The following KIF16B variants were observed in gnomAD, a reference collection of about 807,000 sequenced individuals.
The protein encoded by KIF16B is kinesin family member 16B, also known as kinesin-like protein KIF16B.
KIF16B carries 98 observed loss-of-function variants against 156.3 expected under a neutral mutation model. The ratio of observed to expected loss-of-function variants is 0.63; its 90% CI spans 0.53 to 0.74. KIF16B has a LOEUF of 0.74. Among genes scored for constraint, KIF16B ranks in the 30% least tolerant of loss-of-function variants. The pLI, the probability that KIF16B is intolerant of heterozygous loss-of-function variation, is 0.00. For missense variants in KIF16B, 1,421 were observed against 1,606.5 expected (o/e 0.88, Z 1.97); for synonymous variants, 564 against 583.7 (o/e 0.97, Z 0.49).
intron 5 of KIF16B, 139 bp downstream of exon 5, chr20:16,512,687 C>A: frequency 1.7e-6 from 1 of 576,378 alleles, no homozygotes; most frequent in South Asian, 2.5e-5. Context: ...ATCCCCAAAC[C>A]ATAATCACAG....
At chr20:16,395,238 G>A (rs2065467401) in intron 17 of KIF16B, among the ~76,000 whole-genome samples, 1 of 49,206 alleles carries the variant, frequency 2.0e-5, no homozygotes, top group Non-Finnish European at 4.4e-5. Context: ...GGAGGAGAGG[G>A]GAGGAGAGGG....
chr20:16,505,737 T>C lies in KIF16B; in HGVS notation c.985A>G (p.Thr329Ala). The C allele has an allele frequency of 6.2e-7, 1 of 1,613,426 alleles. No homozygotes were observed. The highest frequency in any genetic ancestry group is 8.5e-7 in the Non-Finnish European group (1 of 1,179,532). The stretch of plus-strand genomic sequence containing the variant: ...AAACTCTTACTGGCAATCATGATAG[T>C]TTTAGAGTTTCCTCCAAGGCTATCT... ...LKDSLGGNSK[T>A]IMIATISPAD... Residue 329 changes from threonine to alanine, a missense_variant, in exon 9 of 26, where the codon ACT becomes GCT. Physicochemically the swap from Thr to Ala is moderately conservative, Grantham distance 58 (BLOSUM62 0). Transcript: ENST00000354981.
At chr20:16,523,231 G>C (rs2069414826) in intron 3 of KIF16B, among the ~76,000 whole-genome samples, 1 of 152,194 alleles carries the variant, frequency 6.6e-6, no homozygotes, top group Non-Finnish European at 1.5e-5. Flanking sequence ...AATAAGAAGA[G>C]AGAAAGTCAA....
At chr20:16,377,472 C>G (rs999762338) in intron 19 of KIF16B, among the ~76,000 whole-genome samples, 1 of 151,676 alleles carries the variant, frequency 6.6e-6, no homozygotes, top group Admixed American at 6.6e-5. Flanking sequence ...GGGTCCCAGC[C>G]ACTTGGGTGG....
At chr20:16,400,041 T>C (rs2065610475) in intron 17 of KIF16B, among the ~76,000 whole-genome samples, 1 of 152,224 alleles carries the variant, frequency 6.6e-6, no homozygotes. Flanking sequence ...ATGACCATGC[T>C]GCTCCTTGGC....
intron 15 of KIF16B, among the ~76,000 whole-genome samples, chr20:16,415,345 A>T (rs2066060457): frequency 6.6e-6 from 1 of 152,074 alleles, no homozygotes; most frequent in Non-Finnish European, 1.5e-5. Flanking sequence ...GCTCATACGC[A>T]CTCCACAGTG....
intron 1 of KIF16B, among the ~76,000 whole-genome samples, chr20:16,530,744 C>T (rs1234976506): frequency 6.6e-6 from 1 of 152,080 alleles, no homozygotes; most frequent in African/African-American, 2.4e-5. Flanking sequence ...TCCTGCCACC[C>T]AGGCTGGAGT....
At chr20:16,506,305 T>C in intron 7 of KIF16B, 115 bp from the exon 8 acceptor site, 1 of 862,156 alleles carries the variant, frequency 1.2e-6, no homozygotes, top group East Asian at 2.5e-5. Flanking sequence ...GTAGATATTT[T>C]TCAATTTTAT....
intron 17 of KIF16B, among the ~76,000 whole-genome samples, chr20:16,404,183 TG>T (rs752429164): frequency 6.6e-6 from 1 of 152,158 alleles, no homozygotes; most frequent in Non-Finnish European, 1.5e-5. Context: ...GAGATTATCC[TG>T]GTAGGAAAGA....
chr20:16,564,492 T>C (rs2071179901), intron 1 of KIF16B, among the ~76,000 whole-genome samples: 1 of 151,590 alleles, frequency 6.6e-6, no homozygotes, highest in Admixed American at 6.6e-5. Flanking sequence ...AAGGGGAACA[T>C]CACACACCGG....
chr20:16,363,438 A>G (rs1568886503), intron 22 of KIF16B, among the ~76,000 whole-genome samples: 3 of 152,218 alleles, frequency 2.0e-5, no homozygotes, highest in Non-Finnish European at 4.4e-5. Context: ...TATCTGTAAT[A>G]GAGCTTTGGG....
chr20:16,504,367 C>T lies in KIF16B; in HGVS notation c.1176+5G>A, dbSNP rs368438807. On this transcript the variant is annotated splice_donor_5th_base_variant and intron_variant, in intron 10 of 25. Coordinates refer to ENST00000354981, the MANE Select transcript of KIF16B (RefSeq NM_024704.5). Reference sequence around the variant, plus strand: ...AATTATCCATAAATCTCAGAAAAACCCAACCTGATTCCCTTGAGCAAGCAG... The same window carrying T: ...AATTATCCATAAATCTCAGAAAAACTCAACCTGATTCCCTTGAGCAAGCAG... 11 of 1,612,798 alleles carry T rather than the reference C, an allele frequency of 6.8e-6. No individual in the cohort carries two copies. The highest frequency in any genetic ancestry group is 2.2e-5 in the East Asian group (1 of 44,860).
At chr20:16,381,431 G>A (rs974487210) in intron 18 of KIF16B, among the ~76,000 whole-genome samples, 5 of 151,006 alleles carry the variant, frequency 3.3e-5, no homozygotes, top group Non-Finnish European at 1.5e-5. Flanking sequence ...TTTAATTGGT[G>A]TGTTAAATTT....
At chr20:16,297,945 C>T (rs1467879693) in intron 25 of KIF16B, among the ~76,000 whole-genome samples, 5 of 152,178 alleles carry the variant, frequency 3.3e-5, no homozygotes, top group African/African-American at 9.6e-5. Context: ...CCCCTGCTCC[C>T]ACCATTCTCT....
intron 24 of KIF16B, among the ~76,000 whole-genome samples, chr20:16,330,051 G>A (rs550029304): frequency 1.2e-3 from 189 of 152,166 alleles, no homozygotes; most frequent in South Asian, 5.6e-3. Context: ...ATTTTCCTTT[G>A]GTTTTTGCTT....
intron 18 of KIF16B, 35 bp downstream of exon 18, chr20:16,381,659 C>T (rs1460606674): frequency 1.3e-6 from 2 of 1,546,412 alleles, no homozygotes; most frequent in African/African-American, 1.4e-5. Flanking sequence ...ATCCAGACTA[C>T]AGGAGTGTTG....
At chr20:16,502,178 GTTGA>G (rs1349906130) in intron 10 of KIF16B, among the ~76,000 whole-genome samples, 1 of 151,982 alleles carries the variant, frequency 6.6e-6, no homozygotes, top group Non-Finnish European at 1.5e-5. Flanking sequence ...AAAAGTAGAA[GTTGA>G]TTTTTATTTA....
chr20:16,479,517 T>TAA (rs56772585), intron 12 of KIF16B, among the ~76,000 whole-genome samples: 4 of 151,372 alleles, frequency 2.6e-5, no homozygotes, highest in African/African-American at 4.9e-5. Context: ...CTCAGAACTT[T>TAA]AAAAAAAAAT....
chr20:16,538,601 G>T (rs1181314157), intron 1 of KIF16B, among the ~76,000 whole-genome samples: 1 of 152,120 alleles, frequency 6.6e-6, no homozygotes, highest in Admixed American at 6.5e-5. Context: ...ATGGGGGGAG[G>T]AGGACGAAAG....
Sources: allele counts gnomAD v4.1 joint callset (sites outside exome capture counted in the v4.1 genomes callset), GRCh38; gene constraint gnomAD v4.1.1; transcripts MANE v1.5; gene names NCBI Gene and HGNC (gene_info 2026-07-23, HGNC 2026-07-21).